Variants in CBLN4 observed in about 807,000 individuals in gnomAD.
CBLN4 encodes the protein cerebellin-4.
Under a neutral mutation model 14.9 loss-of-function variants are expected in CBLN4, and 7 were observed. The ratio of observed to expected loss-of-function variants is 0.47; its 90% CI spans 0.27 to 0.88. The LOEUF is 0.88. Among genes scored for constraint, CBLN4 ranks in the 40% least tolerant of loss-of-function variants. The pLI is 0.14. For missense variants in CBLN4, 188 were observed against 256.8 expected, an observed-to-expected ratio of 0.73 and a Z score of 1.83; for synonymous variants, 131 against 116.5, an observed-to-expected ratio of 1.12 and a Z score of -0.80.
intron 1 of CBLN4, among the ~76,000 whole-genome samples, chr20:56,001,633 G>C (rs1041452954): frequency 1.3e-5 from 2 of 152,128 alleles, no homozygotes; most frequent in African/African-American, 2.4e-5. Flanking sequence ...GGCTTTCCCT[G>C]TTCCTCCCCG....
Position 55,998,560 on chromosome 20 carries a change from T to G in CBLN4, c.603A>C (p.Leu201=). Residue 201 remains leucine, a synonymous_variant, in exon 3 of 3, where the codon CTA becomes CTC. Coordinates refer to ENST00000064571, the MANE Select transcript of CBLN4 (RefSeq NM_080617.6). ...AACATCATGGAGAAATTGAATCCTATAGGGGGAACACCAGAAAGCCAGAAA... is the reference window on the plus strand; with the variant it reads ...AACATCATGGAGAAATTGAATCCTAGAGGGGGAACACCAGAAAGCCAGAAA... ...STFSGFLVFP[L] 6.2e-7 allele frequency: 1 copy of G among 1,614,054 alleles called. No individual in the cohort carries two copies. Among genetic ancestry groups the G allele is most frequent in the East Asian group, 2.2e-5 (1 of 44,868 alleles).
chr20:55,997,775 A>T lies in CBLN4; in HGVS notation c.*782T>A, dbSNP rs986518726. On this transcript the variant is annotated 3_prime_UTR_variant, in exon 3 of 3. Coordinates refer to ENST00000064571, the MANE Select transcript of CBLN4 (RefSeq NM_080617.6). ...TAATTAAAGTTGAGCAATAAAGTAT[A>T]AGATTTCCCTCGGAGGGGAGCTGTT... is the stretch of plus-strand genomic sequence containing the variant. 5 of 152,544 alleles carry T rather than the reference A, an allele frequency of 3.3e-5. No individual in the cohort carries two copies. The highest frequency in any genetic ancestry group is 7.4e-5 in the Non-Finnish European group (5 of 68,020). 9.4% of individuals were successfully genotyped at this position (152,544 alleles called of 1,614,324 possible).
chr20:56,000,700 G>C, intron 2 of CBLN4, 31 bp downstream of exon 2: 1 of 1,138,420 alleles, frequency 8.8e-7, no homozygotes, highest in Non-Finnish European at 1.3e-6. Context: ...AGTTGGTTGA[G>C]AGTATGGATG....
At position 56,004,337 on chromosome 20, in the gene CBLN4, G is replaced by T. The variant is rs1986428993; in HGVS notation, c.-166C>A. ...ACTTCCACCAATTCTGTGGCTTGAAGTCAAAGTCTCCCCTCGAGCTCTCTC... is the reference window on the plus strand; with the variant it reads ...ACTTCCACCAATTCTGTGGCTTGAATTCAAAGTCTCCCCTCGAGCTCTCTC... On this transcript the variant is annotated 5_prime_UTR_variant, in exon 1 of 3. Coordinates refer to ENST00000064571, the MANE Select transcript of CBLN4 (RefSeq NM_080617.6). This position sits in a 1 kb window ranked among gnomAD's most constrained non-coding sequence, Gnocchi z 6.1. 3.3e-6 allele frequency: 2 copies of T among 607,858 alleles called. No homozygotes were observed. The highest frequency in any genetic ancestry group is 3.4e-5 in the East Asian group (1 of 29,466). 37.7% of individuals were successfully genotyped at this position (607,858 alleles called of 1,614,324 possible).
Position 55,997,384 on chromosome 20 carries a change from G to T in CBLN4, c.*1173C>A, listed in dbSNP as rs1986294830. ...GGGTTAAGAAGAGACAAAGTAAGAG[G>T]AAATAAATAATGTAGAATACATATT... On this transcript the variant is annotated 3_prime_UTR_variant, in exon 3 of 3. Coordinates refer to ENST00000064571, the MANE Select transcript of CBLN4 (RefSeq NM_080617.6). The T allele has an allele frequency of 2.0e-5, 3 of 152,074 alleles. No homozygotes were observed. In the South Asian group the frequency reaches 6.2e-4, roughly 32 times the overall value. The allele number at this position is 152,074 out of a possible 1,614,324, so 9.4% of individuals were successfully genotyped here. A position where few individuals can be genotyped will look rare whatever the true frequency, so the allele number is the denominator to read the frequency against.
rs980545806 is a variant in CBLN4, at chr20:56,004,565, C to T, written c.-394G>A. The T allele has an allele frequency of 5.8e-6, 1 of 171,634 alleles. No homozygotes were observed. The highest frequency in any genetic ancestry group is 2.4e-5 in the African/African-American group (1 of 42,318). 10.6% of individuals were successfully genotyped at this position (171,634 alleles called of 1,614,324 possible). A position where few individuals can be genotyped will look rare whatever the true frequency, so the allele number is the denominator to read the frequency against. On this transcript the variant is annotated 5_prime_UTR_variant, in exon 1 of 3. Transcript: ENST00000064571. The surrounding 1 kb of genome is among the most constrained non-coding windows in gnomAD (Gnocchi z 6.1). Reference sequence around the variant, plus strand: ...TTCTCACCCCAAACTCAAGCACCACCAGCTAAACCACGGAGCAGGAACAAA... The same window carrying T: ...TTCTCACCCCAAACTCAAGCACCACTAGCTAAACCACGGAGCAGGAACAAA...
Position 55,998,373 on chromosome 20 carries a change from AACAG to A in CBLN4, c.*180_*183del, listed in dbSNP as rs1986315202. 4.7e-6 allele frequency: 3 copies of A among 642,986 alleles called. No homozygotes were observed. In the South Asian group the frequency reaches 6.2e-5, roughly 13 times the overall value. The allele number at this position is 642,986 out of a possible 1,614,324, so 39.8% of individuals were successfully genotyped here. A position where few individuals can be genotyped will look rare whatever the true frequency, so the allele number is the denominator to read the frequency against. On this transcript the variant is annotated 3_prime_UTR_variant, in exon 3 of 3. Coordinates refer to ENST00000064571, the MANE Select transcript of CBLN4 (RefSeq NM_080617.6). ...TAGAGTCCCAATCCAAATATACTGA[AACAG>A]ACACACACAAATAATCTGTGAAATT...
At chr20:56,001,442 C>G (rs1274745617) in intron 1 of CBLN4, among the ~76,000 whole-genome samples, 3 of 152,182 alleles carry the variant, frequency 2.0e-5, no homozygotes, top group Non-Finnish European at 4.4e-5. Flanking sequence ...AGTTGGTGCA[C>G]AAAGTGATCT....
intron 2 of CBLN4, among the ~76,000 whole-genome samples, chr20:55,999,578 T>C (rs1372732252): frequency 1.3e-5 from 2 of 152,204 alleles, no homozygotes; most frequent in African/African-American, 4.8e-5. Context: ...AAGTGAGCTA[T>C]GGTTATGCCA....
At position 56,004,346 on chromosome 20, in the gene CBLN4, T is replaced by C. The variant is rs926452958; in HGVS notation, c.-175A>G. ...AATTCTGTGGCTTGAAGTCAAAGTC[T>C]CCCCTCGAGCTCTCTCGCTGGCTCT... On this transcript the variant is annotated 5_prime_UTR_variant, in exon 1 of 3. Transcript: ENST00000064571. The surrounding 1 kb of genome is among the most constrained non-coding windows in gnomAD (Gnocchi z 6.1). 1 of 569,736 alleles carries C rather than the reference T, an allele frequency of 1.8e-6. No individual in the cohort carries two copies. Among genetic ancestry groups the C allele is most frequent in the Non-Finnish European group, 2.9e-6 (1 of 349,972 alleles). The allele number at this position is 569,736 out of a possible 1,614,324, so 35.3% of individuals were successfully genotyped here.
chr20:55,997,676 T>C lies in CBLN4; in HGVS notation c.*881A>G, dbSNP rs182604966. The C allele has an allele frequency of 6.6e-6, 1 of 151,508 alleles. No homozygotes were observed. Among genetic ancestry groups the C allele is most frequent in the Admixed American group, 6.6e-5 (1 of 15,254 alleles). The allele number at this position is 151,508 out of a possible 1,614,324, so 9.4% of individuals were successfully genotyped here. On this transcript the variant is annotated 3_prime_UTR_variant, in exon 3 of 3. Coordinates refer to ENST00000064571, the MANE Select transcript of CBLN4 (RefSeq NM_080617.6). ...AGAAACAACAGCATCCCACCACCAG[T>C]TAATAAAGTGGTCATGTCTACGGAA...
At chr20:56,002,202 A>G (rs914485821) in intron 1 of CBLN4, among the ~76,000 whole-genome samples, 3 of 152,212 alleles carry the variant, frequency 2.0e-5, no homozygotes, top group Admixed American at 6.5e-5. Flanking sequence ...CCTTCTTCCA[A>G]GTAAGCATCA....
Position 56,003,874 on chromosome 20 carries a change from G to T in CBLN4, c.291+7C>A, listed in dbSNP as rs1252957277. ...CCCCTAGGTGCTCGCTTCCCCCCGG[G>T]TCTGACCTGATCGAAGTAAATGATG... On this transcript the variant is annotated splice_region_variant and intron_variant, in intron 1 of 2. Transcript: ENST00000064571. 1.9e-6 allele frequency: 3 copies of T among 1,602,662 alleles called. No individual in the cohort carries two copies. Among genetic ancestry groups the T allele is most frequent in the Middle Eastern group, 3.3e-4 (2 of 5,988 alleles).
intron 1 of CBLN4, 48 bp from the exon 2 acceptor site, chr20:56,000,895 G>A: frequency 1.0e-6 from 1 of 988,958 alleles, no homozygotes; most frequent in Non-Finnish European, 1.4e-6. Flanking sequence ...ATTTTCTTCT[G>A]TAACTAAAAT....
At chr20:56,001,361 C>T (rs1433438710) in intron 1 of CBLN4, among the ~76,000 whole-genome samples, 1 of 152,228 alleles carries the variant, frequency 6.6e-6, no homozygotes. Flanking sequence ...GAGCTCTCCG[C>T]AGCATCCCTG....
At position 56,004,156 on chromosome 20, in the gene CBLN4, G is replaced by A. The variant is rs1277365967; in HGVS notation, c.16C>T (p.Arg6Trp). Reference protein sequence around the residue: MGSGRRALSAVPAVLL... With the variant: MGSGRWALSAVPAVLL... Reference sequence around the variant, plus strand: ...ACGGCCGGCACCGCGGACAGCGCCCGGCGCCCGGAGCCCATGGTGAGCCGT... The same window carrying A: ...ACGGCCGGCACCGCGGACAGCGCCCAGCGCCCGGAGCCCATGGTGAGCCGT... Residue 6 changes from arginine to tryptophan, a missense_variant, in exon 1 of 3, where the codon CGG becomes TGG. Arg to Trp is a moderately radical substitution (Grantham distance 101). This residue lies in a region of CBLN4 where 95 missense variants were observed against 99.2 expected (regional missense o/e 0.96). Transcript: ENST00000064571. This position sits in a 1 kb window ranked among gnomAD's most constrained non-coding sequence, Gnocchi z 6.1. The A allele has an allele frequency of 6.5e-7, 1 of 1,540,200 alleles. No individual in the cohort carries two copies. Among genetic ancestry groups the A allele is most frequent in the Non-Finnish European group, 8.7e-7 (1 of 1,147,922 alleles).
rs774922409 is a variant in CBLN4 at position 56,004,142 on chromosome 20, C to T, written c.30G>A (p.Ala10=). The T allele has an allele frequency of 6.4e-7, 1 of 1,563,544 alleles. No homozygotes were observed. The highest frequency in any genetic ancestry group is 1.1e-5 in the South Asian group (1 of 87,482). Reference sequence around the variant, plus strand: ...TGAGGACCAGCAGCACGGCCGGCACCGCGGACAGCGCCCGGCGCCCGGAGC... The same window carrying T: ...TGAGGACCAGCAGCACGGCCGGCACTGCGGACAGCGCCCGGCGCCCGGAGC... MGSGRRALS[A]VPAVLLVLTL... is the part of the protein sequence containing the mutation. The change falls in exon 1 of 3, where the codon GCG becomes GCA. Residue 10 remains alanine (A), a synonymous_variant. Transcript: ENST00000064571. The surrounding 1 kb of genome is among the most constrained non-coding windows in gnomAD (Gnocchi z 6.1).
chr20:55,998,483 T>G lies in CBLN4; in HGVS notation c.*74A>C. The G allele has an allele frequency of 6.5e-7, 1 of 1,532,122 alleles. No homozygotes were observed. Among genetic ancestry groups the G allele is most frequent in the South Asian group, 1.2e-5 (1 of 86,790 alleles). The allele number at this position is 1,532,122 out of a possible 1,614,324, so 94.9% of individuals were successfully genotyped here. A position where few individuals can be genotyped will look rare whatever the true frequency, so the allele number is the denominator to read the frequency against. On this transcript the variant is annotated 3_prime_UTR_variant, in exon 3 of 3. Coordinates refer to ENST00000064571, the MANE Select transcript of CBLN4 (RefSeq NM_080617.6). ...CCAATAAAAGACATCAATCCAATGA[T>G]GAAAAAATGATCTTCCAATAACTCA...
intron 2 of CBLN4, among the ~76,000 whole-genome samples, 180 bp from the exon 3 acceptor site, chr20:55,998,934 G>A (rs1986324454): frequency 6.6e-6 from 1 of 151,916 alleles, no homozygotes; most frequent in African/African-American, 2.4e-5. Flanking sequence ...CTGCTGAACT[G>A]ATTTTTTTAA....
Sources: allele counts gnomAD v4.1 joint callset (sites outside exome capture counted in the v4.1 genomes callset), GRCh38; gene constraint gnomAD v4.1.1; regional missense constraint gnomAD v4.1.1; non-coding constraint Gnocchi (gnomAD v3.1); transcripts MANE v1.5; gene names NCBI Gene and HGNC (gene_info 2026-07-23, HGNC 2026-07-21).